The following SNTA1 variants were observed in gnomAD, a reference collection of about 807,000 sequenced individuals.
The protein encoded by SNTA1 is syntrophin alpha 1.
A neutral mutation model predicts 47.1 loss-of-function variants in SNTA1; 31 were observed. The ratio of observed to expected loss-of-function variants is 0.66; its 90% CI spans 0.49 to 0.89. The LOEUF is 0.89. Among genes scored for constraint, SNTA1 ranks in the 40% least tolerant of loss-of-function variants. The pLI is 0.00. For synonymous variants in SNTA1, 300 were observed against 313.6 expected, an observed-to-expected ratio of 0.96 and a Z score of 0.46; for missense variants, 575 against 693.0, an observed-to-expected ratio of 0.83 and a Z score of 1.91.
Position 33,410,254 on chromosome 20 carries a change from C to T in SNTA1, c.1118G>A (p.Arg373His), listed in dbSNP as rs754648214. The T allele has an allele frequency of 2.4e-5, 38 of 1,613,254 alleles. No homozygotes were observed. Among genetic ancestry groups the T allele is most frequent in the South Asian group, 4.4e-5 (4 of 91,028 alleles). The change falls in exon 6 of 8, where the codon CGT (arginine) becomes CAT (histidine). Residue 373 changes from arginine (R) to histidine (H), a missense_variant. Arg to His is a conservative substitution (Grantham distance 29). Coordinates refer to ENST00000217381, the MANE Select transcript of SNTA1 (RefSeq NM_003098.3). ...ELSFALRTGT[R>H]HGVDTHLFSV... ...GAACAGGTGAGTGTCCACACCGTGACGCGTGCCCGTGCGCAGGGCAAAAGA... is the reference window on the plus strand; with the variant it reads ...GAACAGGTGAGTGTCCACACCGTGATGCGTGCCCGTGCGCAGGGCAAAAGA...
At position 33,410,323 on chromosome 20, in the gene SNTA1, T is replaced by C. The variant is rs766111673; in HGVS notation, c.1049A>G (p.His350Arg). The C allele has an allele frequency of 1.9e-6, 3 of 1,602,692 alleles. No homozygotes were observed. The highest frequency in any genetic ancestry group is 1.1e-5 in the South Asian group (1 of 89,732). ...TAPLIATRLV[H>R]SGPSKGSVPY... is the part of the protein sequence containing the mutation. ...CACTGAGCCCTTGGAGGGGCCTGAG[T>C]GCACCAGTCTGGGGGTTGGGGGCAG... Residue 350 changes from histidine to arginine, a missense_variant, in exon 6 of 8, where the codon CAC (histidine) becomes CGC (arginine). By Grantham distance (29) the His-to-Arg change is conservative (BLOSUM62 0). Coordinates refer to ENST00000217381, the MANE Select transcript of SNTA1 (RefSeq NM_003098.3).
intron 3 of SNTA1, among the ~76,000 whole-genome samples, chr20:33,415,794 A>G (rs1989860445): frequency 1.4e-5 from 2 of 143,846 alleles, no homozygotes; most frequent in Non-Finnish European, 3.0e-5. Context: ...CTCTGTCCCA[A>G]AAAAAAAAAA....
Position 33,443,604 on chromosome 20 carries a change from C to T in SNTA1, c.17G>A (p.Arg6His). 1.6e-6 allele frequency: 2 copies of T among 1,231,986 alleles called. No homozygotes were observed. Among genetic ancestry groups the T allele is most frequent in the South Asian group, 2.7e-5 (1 of 36,644 alleles). The allele number at this position is 1,231,986 out of a possible 1,614,324, so 76.3% of individuals were successfully genotyped here. The change falls in exon 1 of 8, where the codon CGC (arginine) becomes CAC (histidine). Residue 6 changes from arginine (R) to histidine (H), a missense_variant. By Grantham distance (29) the Arg-to-His change is conservative. Transcript: ENST00000217381. ...CTCCAGCAGCCCGGTGCGCGGGGCG[C>T]GCCTGCCGGACGCCATCTTCGCCTC... MASGR[R>H]APRTGLLELR...
At chr20:33,414,245 C>CAAAAAAAAAAAAAAAAA (rs56186098) in intron 3 of SNTA1, among the ~76,000 whole-genome samples, 27 of 29,256 alleles carry the variant, frequency 9.2e-4, no homozygotes, top group African/African-American at 1.1e-3. Flanking sequence ...TCTCAAAAAC[C>CAAAAAAAAAAAAAAAAA]AAAAAAAAAA....
Position 33,408,448 on chromosome 20 carries a change from G to T in SNTA1, c.*59C>A. ...CAGGGGTGAGCAGGCAGTCGGTGGAGGCCCAGCTCAGGCCATGTCATGGAC... is the reference window on the plus strand; with the variant it reads ...CAGGGGTGAGCAGGCAGTCGGTGGATGCCCAGCTCAGGCCATGTCATGGAC... On this transcript the variant is annotated 3_prime_UTR_variant, in exon 8 of 8. Transcript: ENST00000217381. 1 of 1,238,302 alleles carries T rather than the reference G, an allele frequency of 8.1e-7. No homozygotes were observed. The highest frequency in any genetic ancestry group is 1.2e-6 in the Non-Finnish European group (1 of 840,406). 76.7% of individuals were successfully genotyped at this position (1,238,302 alleles called of 1,614,324 possible). A position where few individuals can be genotyped will look rare whatever the true frequency, so the allele number is the denominator to read the frequency against.
At chr20:33,442,182 A>C (rs1412254993) in intron 1 of SNTA1, among the ~76,000 whole-genome samples, 1 of 152,198 alleles carries the variant, frequency 6.6e-6, no homozygotes, top group Admixed American at 6.5e-5. Flanking sequence ...GTGGATCATG[A>C]GACTAGTGTC....
At chr20:33,416,364 G>A (rs1479793830) in intron 3 of SNTA1, among the ~76,000 whole-genome samples, 1 of 152,190 alleles carries the variant, frequency 6.6e-6, no homozygotes, top group Non-Finnish European at 1.5e-5. Flanking sequence ...TATCCCACTT[G>A]ACCAAATATG....
At chr20:33,435,933 G>A (rs1187120992) in intron 2 of SNTA1, among the ~76,000 whole-genome samples, 10 of 151,912 alleles carry the variant, frequency 6.6e-5, no homozygotes, top group South Asian at 2.1e-4. Flanking sequence ...GGTGGCTCAC[G>A]CGTGTAATCC....
chr20:33,416,854 T>C (rs931281681), intron 3 of SNTA1, among the ~76,000 whole-genome samples: 2 of 150,570 alleles, frequency 1.3e-5, no homozygotes, highest in African/African-American at 4.9e-5. Context: ...GGGAGGAGAA[T>C]TGCTTGAACC....
At chr20:33,425,433 G>C (rs1213481082) in intron 2 of SNTA1, among the ~76,000 whole-genome samples, 1 of 152,170 alleles carries the variant, frequency 6.6e-6, no homozygotes, top group East Asian at 1.9e-4. Context: ...GCCGAGGCAG[G>C]GGGAATCTTT....
chr20:33,408,345 G>T lies in SNTA1; in HGVS notation c.*162C>A. 1.5e-6 allele frequency: 1 copy of T among 678,920 alleles called. No individual in the cohort carries two copies. Among genetic ancestry groups the T allele is most frequent in the East Asian group, 2.7e-5 (1 of 36,620 alleles). 42.1% of individuals were successfully genotyped at this position (678,920 alleles called of 1,614,324 possible). On this transcript the variant is annotated 3_prime_UTR_variant, in exon 8 of 8. Coordinates refer to ENST00000217381, the MANE Select transcript of SNTA1 (RefSeq NM_003098.3). ...CACTCTGTCCTGCGTCTGGGTCCTG[G>T]GCCCCAAGACCAATCCAGTCTCCCT...
chr20:33,410,289 A>G lies in SNTA1; in HGVS notation c.1083T>C (p.Asp361=). 2 of 1,611,216 alleles carry G rather than the reference A, an allele frequency of 1.2e-6. No individual in the cohort carries two copies. The highest frequency in any genetic ancestry group is 1.7e-6 in the Non-Finnish European group (2 of 1,179,386). Residue 361 remains aspartate, a synonymous_variant, in exon 6 of 8, where the codon GAT becomes GAC. Transcript: ENST00000217381. The stretch of plus-strand genomic sequence containing the variant: ...TGCGCAGGGCAAAAGAGAGCTCTGC[A>G]TCGTAGGGCACTGAGCCCTTGGAGG... ...SGPSKGSVPY[D]AELSFALRTG...
In SNTA1 at chr20:33,426,365, C is replaced by T. The variant is rs187878881; in HGVS notation, c.497-8442G>A. ...ACTTGGGAGGCTGAGGCAGGAGAAT[C>T]GCTTGAACTCAGGAGGCAGAGGTTG... On this transcript the variant is annotated intron_variant, in intron 2 of 7. Transcript: ENST00000217381. Among the ~76,000 whole-genome samples, 1,116 of 150,880 alleles carry T rather than the reference C, an allele frequency of 7.4e-3. 10 individuals are homozygous for T. Among genetic ancestry groups the T allele is most frequent in the African/African-American group, 0.026 (1,055 of 41,048 alleles).
chr20:33,411,241 T>C (rs1989734268), intron 5 of SNTA1, among the ~76,000 whole-genome samples: 1 of 151,872 alleles, frequency 6.6e-6, no homozygotes. Context: ...GTCCCCAGGC[T>C]TCCTATCCAA....
In SNTA1 at chr20:33,412,794, A is replaced by G; in HGVS notation, c.702-12T>C. On this transcript the variant is annotated splice_polypyrimidine_tract_variant and intron_variant, in intron 3 of 7. Transcript: ENST00000217381. Reference sequence around the variant, plus strand: ...AGATCTCCAGATACCTGCAGGCACAAATGGGTGGAGACAAGGACCTGACCA... The same window carrying G: ...AGATCTCCAGATACCTGCAGGCACAGATGGGTGGAGACAAGGACCTGACCA... 1 of 1,587,504 alleles carries G rather than the reference A, an allele frequency of 6.3e-7. No homozygotes were observed. The highest frequency in any genetic ancestry group is 8.6e-7 in the Non-Finnish European group (1 of 1,164,120).
intron 3 of SNTA1, among the ~76,000 whole-genome samples, chr20:33,414,970 T>C (rs924091857): frequency 1.3e-5 from 2 of 152,134 alleles, no homozygotes; most frequent in Non-Finnish European, 2.9e-5. Flanking sequence ...TAACACTGAG[T>C]AAAAGTTTGA....
intron 2 of SNTA1, among the ~76,000 whole-genome samples, chr20:33,429,450 C>T (rs572637170): frequency 1.1e-4 from 16 of 147,626 alleles, no homozygotes; most frequent in Non-Finnish European, 1.8e-4. Flanking sequence ...CCAGGAGTGG[C>T]GAAACCCCAT....
intron 2 of SNTA1, among the ~76,000 whole-genome samples, chr20:33,420,255 C>G (rs758243741): frequency 6.6e-6 from 1 of 152,100 alleles, no homozygotes; most frequent in Non-Finnish European, 1.5e-5. Flanking sequence ...GGGATCCACA[C>G]ATTGAGGATG....
chr20:33,418,284 TTCTC>T (rs1348986987), intron 2 of SNTA1, among the ~76,000 whole-genome samples: 3 of 150,760 alleles, frequency 2.0e-5, no homozygotes, highest in African/African-American at 7.3e-5. Flanking sequence ...TTGAGACAGT[TTCTC>T]TCTGTCACCC....
Sources: allele counts gnomAD v4.1 joint callset (sites outside exome capture counted in the v4.1 genomes callset), GRCh38; gene constraint gnomAD v4.1.1; transcripts MANE v1.5; gene names NCBI Gene and HGNC (gene_info 2026-07-23, HGNC 2026-07-21).